Variants in RPH3A observed in about 807,000 individuals in gnomAD.
RPH3A encodes the protein rabphilin-3A.
Under a neutral mutation model 102.2 loss-of-function variants are expected in RPH3A, and 48 were observed. The observed-to-expected ratio is 0.47, with a 90% confidence interval of 0.37 to 0.60. The LOEUF (loss-of-function observed/expected upper bound fraction) is 0.60, where lower values mean the gene tolerates loss of function less well. RPH3A is among the 20% of genes least tolerant of loss of function. RPH3A has a pLI of 0.00. For missense variants in RPH3A, 781 were observed against 910.1 expected (o/e 0.86, Z 1.83); for synonymous variants, 310 against 324.3 (o/e 0.96, Z 0.47).
intron 1 of RPH3A, among the ~76,000 whole-genome samples, chr12:112,628,568 CAAAAAAAAAAAAAAAAAAAAA>C (rs771688201): frequency 4.3e-3 from 117 of 27,046 alleles, no homozygotes; most frequent in Non-Finnish European, 5.4e-3. Context: ...GTCTTTACCA[CAAAAAAAAAAAAAAAAAAAAA>C]AAAAAAAAAA....
chr12:112,834,484 T>C (rs2042018835), intron 3 of RPH3A, among the ~76,000 whole-genome samples: 1 of 152,246 alleles, frequency 6.6e-6, no homozygotes, highest in African/African-American at 2.4e-5. Context: ...TTCAGTCACA[T>C]GGTGGATGCC....
At chr12:112,885,513 T>A (rs540149773) in intron 16 of RPH3A, among the ~76,000 whole-genome samples, 1 of 152,360 alleles carries the variant, frequency 6.6e-6, no homozygotes, top group East Asian at 1.9e-4. Context: ...GTTCCTCCAT[T>A]GTACAGTATT....
chr12:112,732,986 G>GTT (rs1001580924), intron 1 of RPH3A, among the ~76,000 whole-genome samples: 30 of 152,300 alleles, frequency 2.0e-4, no homozygotes, highest in African/African-American at 7.0e-4. Context: ...TTGCATTACA[G>GTT]TTATCAATTT....
At chr12:112,790,738 T>C, upstream of RPH3A, among the ~76,000 whole-genome samples, 1 of 152,202 alleles carries the variant, frequency 6.6e-6, no homozygotes, top group East Asian at 1.9e-4. Flanking sequence ...GTCTGGATCT[T>C]TCGGGGAAGG....
chr12:112,879,732 G>A (rs1228446890), intron 14 of RPH3A, among the ~76,000 whole-genome samples: 1 of 152,222 alleles, frequency 6.6e-6, no homozygotes, highest in Non-Finnish European at 1.5e-5. Context: ...AAAAAGCTGG[G>A]TGAAGCCAGT....
At chr12:112,575,587 T>C (rs934277673) in intron 1 of RPH3A, among the ~76,000 whole-genome samples, 3 of 152,028 alleles carry the variant, frequency 2.0e-5, no homozygotes, top group African/African-American at 7.2e-5. Flanking sequence ...TGGCTGCTCC[T>C]GCGAGTCTCC....
chr12:112,720,922 T>G (rs753846527), intron 1 of RPH3A, among the ~76,000 whole-genome samples: 4 of 152,178 alleles, frequency 2.6e-5, no homozygotes, highest in Non-Finnish European at 4.4e-5. Context: ...TTTCAGTCTA[T>G]CACAGTGTGT....
intron 1 of RPH3A, among the ~76,000 whole-genome samples, chr12:112,763,235 T>C (rs11066406): frequency 0.065 from 9,894 of 152,260 alleles, 805 homozygotes; most frequent in African/African-American, 0.19. Flanking sequence ...GTGCATTCAA[T>C]AAATGCTCAC....
At chr12:112,615,370 A>G (rs924843502) in intron 1 of RPH3A, among the ~76,000 whole-genome samples, 17 of 152,088 alleles carry the variant, frequency 1.1e-4, no homozygotes, top group African/African-American at 4.1e-4. Context: ...TGTTCCCCAC[A>G]CGCACTGCCA....
intron 1 of RPH3A, among the ~76,000 whole-genome samples, chr12:112,592,533 G>C (rs1363759160): frequency 6.6e-6 from 1 of 152,160 alleles, no homozygotes; most frequent in Non-Finnish European, 1.5e-5. Flanking sequence ...CAGCCAGGCT[G>C]TTCTCGAACT....
intron 2 of RPH3A, among the ~76,000 whole-genome samples, chr12:112,793,232 C>T (rs747885023): frequency 1.6e-4 from 25 of 152,214 alleles, no homozygotes; most frequent in Non-Finnish European, 3.7e-4. Flanking sequence ...GCTTTTGATG[C>T]TAATCTGCTA....
At chr12:112,668,232 G>A (rs1744376275) in intron 1 of RPH3A, among the ~76,000 whole-genome samples, 1 of 152,210 alleles carries the variant, frequency 6.6e-6, no homozygotes, top group East Asian at 1.9e-4. Context: ...TGTCCTACAG[G>A]TGGCCCCCCA....
At chr12:112,774,194 A>G (rs1012610277) in intron 1 of RPH3A, among the ~76,000 whole-genome samples, 3 of 152,192 alleles carry the variant, frequency 2.0e-5, no homozygotes, top group Non-Finnish European at 2.9e-5. Flanking sequence ...ACACAGATAT[A>G]TAGAGAGGTA....
intron 2 of RPH3A, among the ~76,000 whole-genome samples, chr12:112,827,288 A>G (rs2041893957): frequency 6.6e-6 from 1 of 152,216 alleles, no homozygotes; most frequent in Admixed American, 6.5e-5. Flanking sequence ...TATACTTTAT[A>G]TAGGTGGAAT....
At chr12:112,582,646 G>T (rs1435729908) in intron 1 of RPH3A, among the ~76,000 whole-genome samples, 4 of 134,268 alleles carry the variant, frequency 3.0e-5, no homozygotes, top group Non-Finnish European at 4.7e-5. Context: ...ATTTTTTGTA[G>T]AGATGGGGTT....
chr12:112,799,508 A>G (rs2041298777), intron 2 of RPH3A, among the ~76,000 whole-genome samples: 1 of 152,196 alleles, frequency 6.6e-6, no homozygotes, highest in Non-Finnish European at 1.5e-5. Flanking sequence ...AAAAAGCCAA[A>G]GATTCAGCTT....
chr12:112,621,619 C>T lies in RPH3A; in HGVS notation c.-140+46300C>T, dbSNP rs1455893765. 3.3e-5 allele frequency among the ~76,000 whole-genome samples: 5 copies of T among 151,398 alleles called. No homozygotes were observed. The East Asian group carries it at 6.0e-4, about 18-fold the overall frequency. On this transcript the variant is annotated intron_variant, in intron 1 of 21. Transcript: ENST00000543106. ...CTGAGATCAAACTGCAAGGCGGCAGCGAGGCTGGGGGAGGGGCGCCCGCCA... is the reference window on the plus strand; with the variant it reads ...CTGAGATCAAACTGCAAGGCGGCAGTGAGGCTGGGGGAGGGGCGCCCGCCA...
At chr12:112,752,968 C>CTTTTT (rs3037266) in intron 1 of RPH3A, among the ~76,000 whole-genome samples, 26 of 118,868 alleles carry the variant, frequency 2.2e-4, no homozygotes, top group Non-Finnish European at 2.2e-4. Flanking sequence ...GTCCAGTTTT[C>CTTTTT]TTTTTTTTTT....
intron 2 of RPH3A, among the ~76,000 whole-genome samples, chr12:112,804,120 C>G (rs572013299): frequency 1.8e-3 from 272 of 152,306 alleles, no homozygotes; most frequent in Middle Eastern, 6.8e-3. Context: ...TCCTCCATTA[C>G]AGATGAAGGA....
Sources: allele counts gnomAD v4.1 joint callset (sites outside exome capture counted in the v4.1 genomes callset), GRCh38; gene constraint gnomAD v4.1.1; transcripts MANE v1.5; gene names NCBI Gene and HGNC (gene_info 2026-07-23, HGNC 2026-07-21).